Variants in ANKS1B observed in about 807,000 individuals in gnomAD.
ANKS1B encodes ankyrin repeat and sterile alpha motif domain-containing protein 1B.
A neutral mutation model predicts 148.3 loss-of-function variants in ANKS1B; 36 were observed. That is an observed-to-expected ratio of 0.24 (90% CI 0.19 to 0.32). The LOEUF (loss-of-function observed/expected upper bound fraction) is 0.32, where lower values mean the gene tolerates loss of function less well. Among genes scored for constraint, ANKS1B ranks in the 10% least tolerant of loss-of-function variants. ANKS1B has a pLI of 1.00. For missense variants in ANKS1B, 1,157 were observed against 1,542.6 expected, an observed-to-expected ratio of 0.75 and a Z score of 4.19; for synonymous variants, 542 against 560.8, an observed-to-expected ratio of 0.97 and a Z score of 0.47.
intron 1 of ANKS1B, among the ~76,000 whole-genome samples, chr12:99,848,212 T>C (rs376987528): frequency 6.6e-6 from 1 of 151,856 alleles, no homozygotes; most frequent in East Asian, 1.9e-4. Context: ...GAGAAAAGGG[T>C]CAAAAATACT....
At chr12:98,768,052 C>T (rs577865648) in intron 25 of ANKS1B, among the ~76,000 whole-genome samples, 1 of 152,168 alleles carries the variant, frequency 6.6e-6, no homozygotes, top group African/African-American at 2.4e-5. Context: ...CTACAGTTCC[C>T]TCTTCCCCAA....
intron 1 of ANKS1B, among the ~76,000 whole-genome samples, chr12:99,892,085 C>A (rs1463016620): frequency 2.6e-5 from 4 of 152,132 alleles, no homozygotes; most frequent in Non-Finnish European, 4.4e-5. Flanking sequence ...CTCACTGCAA[C>A]CTCCGCCTCC....
intron 14 of ANKS1B, among the ~76,000 whole-genome samples, chr12:99,223,297 A>C (rs2085392194): frequency 6.6e-6 from 1 of 152,106 alleles, no homozygotes. Flanking sequence ...TTCCATGGGC[A>C]GGGCCCAGGG....
At chr12:99,081,669 T>C (rs1199998286) in intron 16 of ANKS1B, among the ~76,000 whole-genome samples, 2 of 152,204 alleles carry the variant, frequency 1.3e-5, no homozygotes, top group African/African-American at 4.8e-5. Context: ...TAATTTTGTA[T>C]TGTTTCTCTT....
intron 15 of ANKS1B, among the ~76,000 whole-genome samples, chr12:99,142,933 G>A (rs766203790): frequency 6.6e-6 from 1 of 152,034 alleles, no homozygotes; most frequent in Non-Finnish European, 1.5e-5. Flanking sequence ...GGGCCATATT[G>A]TTATACAGGC....
At chr12:99,811,871 T>C (rs905307175) in intron 3 of ANKS1B, among the ~76,000 whole-genome samples, 22 of 151,902 alleles carry the variant, frequency 1.4e-4, no homozygotes, top group African/African-American at 5.1e-4. Flanking sequence ...TCTTTAAATA[T>C]TCAATGGCTA....
At chr12:99,378,605 A>T (rs1040063906) in intron 12 of ANKS1B, among the ~76,000 whole-genome samples, 7 of 148,396 alleles carry the variant, frequency 4.7e-5, no homozygotes, top group African/African-American at 1.7e-4. Flanking sequence ...CAGTGAGCCG[A>T]GATCACGCAC....
chr12:99,028,349 A>G (rs527741999), intron 17 of ANKS1B, among the ~76,000 whole-genome samples: 230 of 152,336 alleles, frequency 1.5e-3, no homozygotes, highest in Non-Finnish European at 2.6e-3. Context: ...TTTTTGCTCA[A>G]TGGGAAGACT....
Position 98,869,389 on chromosome 12 carries a change from C to G in ANKS1B, c.2779-37253G>C, listed in dbSNP as rs756479838. ...AAAACACTCCTGGGAAGGATGAAGT[C>G]TTTTGGGGAGTTCAAGAACTCCTGA... On this transcript the variant is annotated intron_variant, in intron 17 of 26. Transcript: ENST00000683438. 7.6e-4 allele frequency among the ~76,000 whole-genome samples: 116 copies of G among 152,102 alleles called. 3 individuals carry two copies. The highest frequency in any genetic ancestry group is 1.9e-4 in the Non-Finnish European group (13 of 68,020).
chr12:99,576,631 A>T (rs2097522855), intron 9 of ANKS1B, among the ~76,000 whole-genome samples: 1 of 152,152 alleles, frequency 6.6e-6, no homozygotes, highest in African/African-American at 2.4e-5. Context: ...CTTCTGAATG[A>T]CTTTTGAGTA....
At chr12:99,663,145 C>T (rs1438915824) in intron 8 of ANKS1B, among the ~76,000 whole-genome samples, 6 of 151,916 alleles carry the variant, frequency 3.9e-5, no homozygotes, top group South Asian at 2.1e-4. Flanking sequence ...AAGAAGAAAA[C>T]GTGAGGTGTT....
intron 12 of ANKS1B, among the ~76,000 whole-genome samples, chr12:99,387,568 C>G (rs753522454): frequency 2.6e-5 from 4 of 151,114 alleles, no homozygotes; most frequent in Non-Finnish European, 5.9e-5. Flanking sequence ...GCCACTCCGG[C>G]CTGGGCGACA....
At chr12:99,153,585 A>C (rs978601301) in intron 15 of ANKS1B, among the ~76,000 whole-genome samples, 1 of 152,188 alleles carries the variant, frequency 6.6e-6, no homozygotes, top group Non-Finnish European at 1.5e-5. Flanking sequence ...AAGTTAGCAC[A>C]TGCCAGGTTT....
chr12:99,457,025 C>A (rs1039070012), intron 10 of ANKS1B, among the ~76,000 whole-genome samples: 1 of 152,170 alleles, frequency 6.6e-6, no homozygotes, highest in African/African-American at 2.4e-5. Flanking sequence ...CATCAGATAA[C>A]CTATAAAGGA....
At chr12:99,081,542 T>C (rs918081528) in intron 16 of ANKS1B, among the ~76,000 whole-genome samples, 1 of 152,156 alleles carries the variant, frequency 6.6e-6, no homozygotes, top group Non-Finnish European at 1.5e-5. Flanking sequence ...AAGCATCAAT[T>C]TGTGGCATTA....
chr12:99,629,133 A>ATAGC (rs1223630348), intron 9 of ANKS1B, among the ~76,000 whole-genome samples: 1 of 152,138 alleles, frequency 6.6e-6, no homozygotes, highest in African/African-American at 2.4e-5. Flanking sequence ...CAGAGGCCAT[A>ATAGC]TAGCACTCAA....
intron 1 of ANKS1B, among the ~76,000 whole-genome samples, chr12:99,845,240 G>T (rs2086454409): frequency 6.6e-6 from 1 of 152,168 alleles, no homozygotes; most frequent in Non-Finnish European, 1.5e-5. Context: ...TTGCCGGATT[G>T]CCCTGGCCAG....
intron 8 of ANKS1B, among the ~76,000 whole-genome samples, chr12:99,740,946 TG>T (rs2060039921): frequency 1.3e-5 from 2 of 152,042 alleles, no homozygotes; most frequent in African/African-American, 4.8e-5. Flanking sequence ...ACCAGGGCCC[TG>T]GGTTTCAAGC....
chr12:99,777,003 T>C (rs1224378031), intron 6 of ANKS1B, among the ~76,000 whole-genome samples: 1 of 152,084 alleles, frequency 6.6e-6, no homozygotes, highest in Non-Finnish European at 1.5e-5. Context: ...TTTTTAAATG[T>C]TAACAGCTAA....
Sources: gnomAD v4.1 joint callset for allele counts (sites outside exome capture counted in the v4.1 genomes callset) on GRCh38, gnomAD v4.1.1 for gene constraint, MANE v1.5 for transcripts, NCBI Gene and HGNC (gene_info 2026-07-23, HGNC 2026-07-21) for gene names.